The following DOK6 variants were observed in gnomAD, a reference collection of about 807,000 sequenced individuals.
The protein encoded by DOK6 is docking protein 6.
In DOK6, 22 loss-of-function variants were observed where a neutral mutation model predicts 44.0. The observed-to-expected ratio is 0.50, with a 90% CI of 0.36 to 0.71. The LOEUF (loss-of-function observed/expected upper bound fraction) is 0.71, where lower values mean the gene tolerates loss of function less well. Among genes scored for constraint, DOK6 ranks in the 30% least tolerant of loss-of-function variants. The probability of loss-of-function intolerance (pLI) is 0.00; values close to 1 mark genes in which losing one functional copy is unlikely to be tolerated. For missense variants in DOK6, 340 were observed against 416.4 expected, an observed-to-expected ratio of 0.82 and a Z score of 1.60; for synonymous variants, 166 against 145.5, an observed-to-expected ratio of 1.14 and a Z score of -1.01.
At chr18:69,586,208 G>A (rs1015640916) in intron 2 of DOK6, among the ~76,000 whole-genome samples, 1 of 152,110 alleles carries the variant, frequency 6.6e-6, no homozygotes, top group Non-Finnish European at 1.5e-5. Context: ...TTAAATATTA[G>A]CCACGTATTT....
chr18:69,734,231 C>T (rs954237613), intron 5 of DOK6, among the ~76,000 whole-genome samples: 3 of 150,992 alleles, frequency 2.0e-5, no homozygotes, highest in Non-Finnish European at 4.4e-5. Flanking sequence ...CTACTTGGAC[C>T]ATATGTTTAA....
At chr18:69,763,112 G>C (rs889445091) in intron 7 of DOK6, among the ~76,000 whole-genome samples, 2 of 152,110 alleles carry the variant, frequency 1.3e-5, no homozygotes, top group Non-Finnish European at 2.9e-5. Flanking sequence ...TTTCCCCATT[G>C]TATTCTAGTA....
At chr18:69,780,947 G>A (rs1980245873) in intron 7 of DOK6, among the ~76,000 whole-genome samples, 1 of 151,974 alleles carries the variant, frequency 6.6e-6, no homozygotes, top group South Asian at 2.1e-4. Context: ...GTAGCTATGG[G>A]ATTTCTTAGT....
chr18:69,739,830 T>C (rs983899897), intron 6 of DOK6, among the ~76,000 whole-genome samples: 1 of 152,220 alleles, frequency 6.6e-6, no homozygotes, highest in Non-Finnish European at 1.5e-5. Flanking sequence ...AGTTCATCTA[T>C]AGAAGGACAG....
rs892128397 is a variant in DOK6, at chr18:69,844,806, T to A, written c.*3423T>A. 2.6e-5 allele frequency: 4 copies of A among 152,198 alleles called. No individual in the cohort carries two copies. The highest frequency in any genetic ancestry group is 9.7e-5 in the African/African-American group (4 of 41,444). The allele number at this position is 152,198 out of a possible 1,614,324, so 9.4% of individuals were successfully genotyped here. A position where few individuals can be genotyped will look rare whatever the true frequency, so the allele number is the denominator to read the frequency against. ...ATATTTATTAAAAGTAAACCTCACC[T>A]TTTTCACCAAATAGTAACTAGAGAA... On this transcript the variant is annotated 3_prime_UTR_variant, in exon 8 of 8. Transcript: ENST00000382713.
At chr18:69,707,896 C>G (rs1197116172) in intron 5 of DOK6, among the ~76,000 whole-genome samples, 1 of 152,002 alleles carries the variant, frequency 6.6e-6, no homozygotes, top group Non-Finnish European at 1.5e-5. Flanking sequence ...ATTTGCACGG[C>G]GAATCATAAA....
chr18:69,487,860 A>G (rs1980626637), intron 1 of DOK6, among the ~76,000 whole-genome samples: 1 of 152,112 alleles, frequency 6.6e-6, no homozygotes, highest in Non-Finnish European at 1.5e-5. Context: ...TTACTCCCCA[A>G]ATGCTTTCAC....
intron 1 of DOK6, among the ~76,000 whole-genome samples, chr18:69,486,666 A>G (rs1372770): frequency 0.19 from 28,198 of 152,202 alleles, 3,279 homozygotes; most frequent in Non-Finnish European, 0.26. Flanking sequence ...AACTTTACAC[A>G]GAGAAGTCTG....
chr18:69,509,604 C>T lies in DOK6; in HGVS notation c.67-54883C>T, dbSNP rs1264594544. 3.5e-5 allele frequency among the ~76,000 whole-genome samples: 5 copies of T among 142,452 alleles called. No homozygotes were observed. In the East Asian group the frequency reaches 1.1e-3, roughly 30 times the overall value. 93.5% of individuals were successfully genotyped at this position (142,452 alleles called of 152,430 possible). ...AGTGAGCCGAGATCGCGCCGCTGCACTCCAGCCTGGGCAACAGAGCTAGGC... is the reference window on the plus strand; with the variant it reads ...AGTGAGCCGAGATCGCGCCGCTGCATTCCAGCCTGGGCAACAGAGCTAGGC... On this transcript the variant is annotated intron_variant, in intron 1 of 7. Transcript: ENST00000382713.
rs1033785360 is a variant in DOK6, at chr18:69,801,064, C to T, written c.857-40180C>T. Reference sequence around the variant, plus strand: ...TGGTATTTGGGTATAAACATATGCCCAGCCTTTTTCTTTACTTTGATTTTG... The same window carrying T: ...TGGTATTTGGGTATAAACATATGCCTAGCCTTTTTCTTTACTTTGATTTTG... On this transcript the variant is annotated intron_variant, in intron 7 of 7. Transcript: ENST00000382713. Among the ~76,000 whole-genome samples the T allele has an allele frequency of 2.7e-5, 4 of 149,478 alleles. No individual in the cohort carries two copies. In the South Asian group the frequency reaches 6.5e-4, roughly 24 times the overall value.
intron 1 of DOK6, among the ~76,000 whole-genome samples, chr18:69,408,653 G>T (rs912906401): frequency 6.6e-6 from 1 of 152,136 alleles, no homozygotes; most frequent in East Asian, 1.9e-4. Flanking sequence ...TACAAAAACT[G>T]TACAGATTAA....
chr18:69,465,034 G>A (rs1299310725), intron 1 of DOK6, among the ~76,000 whole-genome samples: 4 of 152,034 alleles, frequency 2.6e-5, no homozygotes, highest in African/African-American at 9.7e-5. Flanking sequence ...TTAGACCTTT[G>A]TTCATTCAAT....
chr18:69,408,784 A>C (rs547874482), intron 1 of DOK6, among the ~76,000 whole-genome samples: 8 of 152,328 alleles, frequency 5.3e-5, no homozygotes, highest in African/African-American at 1.7e-4. Context: ...TCTTAACTCA[A>C]GAGACTGGAT....
At chr18:69,598,645 G>A (rs978502414) in intron 2 of DOK6, among the ~76,000 whole-genome samples, 2 of 152,094 alleles carry the variant, frequency 1.3e-5, no homozygotes, top group African/African-American at 2.4e-5. Flanking sequence ...TTGCAGAGTT[G>A]TTGAGGAAAT....
chr18:69,439,196 A>G (rs544749038), intron 1 of DOK6, among the ~76,000 whole-genome samples: 40 of 152,334 alleles, frequency 2.6e-4, no homozygotes, highest in Non-Finnish European at 4.6e-4. Context: ...TCTCAACATT[A>G]GGCTTAAAAT....
chr18:69,583,982 C>T (rs374734145), intron 2 of DOK6, among the ~76,000 whole-genome samples: 159 of 151,610 alleles, frequency 1.0e-3, no homozygotes, highest in African/African-American at 3.5e-3. Context: ...GTGGCGGGCG[C>T]CTGTAGTCCC....
chr18:69,552,024 A>C (rs1020366847), intron 1 of DOK6, among the ~76,000 whole-genome samples: 3 of 152,234 alleles, frequency 2.0e-5, no homozygotes, highest in African/African-American at 7.2e-5. Flanking sequence ...TTTCACCTAC[A>C]TTTTGCTGAG....
intron 3 of DOK6, among the ~76,000 whole-genome samples, chr18:69,623,524 G>T (rs1270289496): frequency 6.6e-6 from 1 of 152,138 alleles, no homozygotes; most frequent in Non-Finnish European, 1.5e-5. Context: ...CTCATAATGT[G>T]CATAATCACC....
At chr18:69,507,090 C>T (rs1310419911) in intron 1 of DOK6, among the ~76,000 whole-genome samples, 1 of 151,930 alleles carries the variant, frequency 6.6e-6, no homozygotes, top group African/African-American at 2.4e-5. Flanking sequence ...TGCAGTGGTA[C>T]ATTCTCGGCT....
Sources: gnomAD v4.1 joint callset for allele counts (sites outside exome capture counted in the v4.1 genomes callset) on GRCh38, gnomAD v4.1.1 for gene constraint, MANE v1.5 for transcripts, NCBI Gene and HGNC (gene_info 2026-07-23, HGNC 2026-07-21) for gene names.